The following SCN3A variants were observed in gnomAD, a reference collection of about 807,000 sequenced individuals.
SCN3A encodes sodium voltage-gated channel alpha subunit 3.
A neutral mutation model predicts 187.6 loss-of-function variants in SCN3A; 60 were observed. The ratio of observed to expected loss-of-function variants is 0.32; its 90% CI spans 0.26 to 0.40. The LOEUF is 0.40. SCN3A is among the 10% of genes least tolerant of loss of function. The probability of loss-of-function intolerance (pLI) is 1.00; values close to 1 mark genes in which losing one functional copy is unlikely to be tolerated. For missense variants in SCN3A, 1,601 were observed against 2,428.2 expected (o/e 0.66, Z 7.16); for synonymous variants, 788 against 829.2 (o/e 0.95, Z 0.85).
At chr2:165,202,312 C>T (rs778927023) in intron 1 of SCN3A, among the ~76,000 whole-genome samples, 1 of 151,914 alleles carries the variant, frequency 6.6e-6, no homozygotes, top group Non-Finnish European at 1.5e-5. Flanking sequence ...TAAAAGCTAA[C>T]ATTTGGGGCC....
intron 5 of SCN3A, among the ~76,000 whole-genome samples, chr2:165,167,898 T>C (rs1689873561): frequency 2.6e-5 from 4 of 152,138 alleles, no homozygotes; most frequent in Admixed American, 2.6e-4. Flanking sequence ...GAACAACTAA[T>C]GTGCTTAGAC....
intron 18 of SCN3A, among the ~76,000 whole-genome samples, chr2:165,118,786 G>T (rs911271230): frequency 1.3e-4 from 20 of 151,652 alleles, no homozygotes; most frequent in African/African-American, 4.8e-4. Context: ...TTTTTGAGAC[G>T]GAGTCTCGCT....
chr2:165,131,755 C>A, intron 15 of SCN3A, among the ~76,000 whole-genome samples: 1 of 124,336 alleles, frequency 8.0e-6, no homozygotes, highest in East Asian at 2.8e-4. Context: ...TCCCCCCTCC[C>A]CCGACCCCAC....
chr2:165,091,489 C>T, intron 27 of SCN3A, 144 bp from the exon 28 acceptor site: 1 of 1,069,576 alleles, frequency 9.3e-7, no homozygotes, highest in Non-Finnish European at 1.4e-6. Context: ...CTGACATTAG[C>T]AATTACAGAT....
At position 165,203,017 on chromosome 2, in the gene SCN3A, T is replaced by C. The variant is rs186189731; in HGVS notation, c.-248+806A>G. Among the ~76,000 whole-genome samples, 348 of 152,062 alleles carry C rather than the reference T, an allele frequency of 2.3e-3. 2 individuals are homozygous for C. The East Asian group carries it at 0.029, about 13-fold the overall frequency. ...ATACAACTACAGACAATATGGATCATAGATAAAGTAAATTATTGTTTTATG... is the reference window on the plus strand; with the variant it reads ...ATACAACTACAGACAATATGGATCACAGATAAAGTAAATTATTGTTTTATG... On this transcript the variant is annotated intron_variant, in intron 1 of 27. Transcript: ENST00000283254.
At chr2:165,095,753 C>G in intron 24 of SCN3A, 105 bp from the exon 25 acceptor site, 2 of 644,622 alleles carry the variant, frequency 3.1e-6, no homozygotes, top group Admixed American at 2.9e-5. Context: ...CTACTTTTGC[C>G]TTACCCTGAG....
At chr2:165,188,804 C>CAAAAAAAAA (rs763003775) in intron 1 of SCN3A, among the ~76,000 whole-genome samples, 2 of 72,544 alleles carry the variant, frequency 2.8e-5, no homozygotes, top group African/African-American at 8.7e-5. Flanking sequence ...CGCCCCACTT[C>CAAAAAAAAA]AAAAAAAAAA....
At chr2:165,183,516 G>T (rs908963169) in intron 2 of SCN3A, among the ~76,000 whole-genome samples, 1 of 152,178 alleles carries the variant, frequency 6.6e-6, no homozygotes, top group African/African-American at 2.4e-5. Flanking sequence ...ATGAGTACAA[G>T]ACTAATATTT....
chr2:165,140,693 T>TCCAC lies in SCN3A; in HGVS notation c.1973_1976dup (p.Pro660TrpfsTer62), dbSNP rs1487100995. ...CAGTAGGTGACGTTAGAGCTGAAGGTCCACCCACCAAGGAAACCACACCAT... is the reference window on the plus strand; with the variant it reads ...CAGTAGGTGACGTTAGAGCTGAAGGTCCACCCACCCACCAAGGAAACCACACCAT... On this transcript the variant is annotated frameshift_variant, in exon 13 of 28. Coordinates refer to ENST00000283254, the MANE Select transcript of SCN3A (RefSeq NM_006922.4). LOFTEE classifies it high-confidence loss of function. This position sits in a 1 kb window ranked among gnomAD's most constrained non-coding sequence, Gnocchi z 4.2. 1.2e-6 allele frequency: 2 copies of TCCAC among 1,614,034 alleles called. No individual in the cohort carries two copies. Among genetic ancestry groups the TCCAC allele is most frequent in the East Asian group, 4.5e-5 (2 of 44,860 alleles).
At chr2:165,148,993 A>AT (rs1688515354) in intron 11 of SCN3A, among the ~76,000 whole-genome samples, 1 of 151,894 alleles carries the variant, frequency 6.6e-6, no homozygotes, top group Non-Finnish European at 1.5e-5. Context: ...GAAACAGTGA[A>AT]TATATATATA....
chr2:165,164,448 A>G lies in SCN3A; in HGVS notation c.546T>C (p.Asp182=). 2 of 1,613,848 alleles carry G rather than the reference A, an allele frequency of 1.2e-6. No individual in the cohort carries two copies. Among genetic ancestry groups the G allele is most frequent in the Non-Finnish European group, 1.7e-6 (2 of 1,179,838 alleles). The change falls in exon 6 of 28, where the codon GAT becomes GAC. Residue 182 remains aspartate, a synonymous_variant. Transcript: ENST00000283254. The part of the protein sequence containing the change: ...KILARGFCLE[D]FTFLRDPWNW... ...TCCATGGATCACGAAGAAACGTAAAATCTTCTAAGCAAAACCCTCTTGCCA... is the reference window on the plus strand; with the variant it reads ...TCCATGGATCACGAAGAAACGTAAAGTCTTCTAAGCAAAACCCTCTTGCCA...
In SCN3A at chr2:165,163,799, T is replaced by C. The variant is rs374003928; in HGVS notation, c.603-90A>G. ...CTACTACCTTACACCAGTTTCTTCTTACCTGGAATTACAGAAATAGTTTTC... is the reference window on the plus strand; with the variant it reads ...CTACTACCTTACACCAGTTTCTTCTCACCTGGAATTACAGAAATAGTTTTC... On this transcript the variant is annotated intron_variant, in intron 6 of 27. Coordinates refer to ENST00000283254, the MANE Select transcript of SCN3A (RefSeq NM_006922.4). The C allele has an allele frequency of 5.0e-4, 806 of 1,613,656 alleles. No individual in the cohort carries two copies. The highest frequency in any genetic ancestry group is 6.5e-4 in the Non-Finnish European group (764 of 1,179,792).
At chr2:165,179,321 A>C (rs1690682906) in intron 2 of SCN3A, among the ~76,000 whole-genome samples, 1 of 152,172 alleles carries the variant, frequency 6.6e-6, no homozygotes, top group African/African-American at 2.4e-5. Flanking sequence ...TCAACACAGA[A>C]ATGGCTGCCC....
rs1249291489 is a variant in SCN3A, at chr2:165,092,550, G to A, written c.4537-26C>T. On this transcript the variant is annotated intron_variant, in intron 26 of 27. Transcript: ENST00000283254. This position sits in a 1 kb window ranked among gnomAD's most constrained non-coding sequence, Gnocchi z 4.2. The stretch of plus-strand genomic sequence containing the variant: ...CTAGAAAGTGAGAGAAGAGAAATAA[G>A]GTTACTATATATATTTCATAAAGAA... 3 of 1,593,448 alleles carry A rather than the reference G, an allele frequency of 1.9e-6. No homozygotes were observed. Among genetic ancestry groups the A allele is most frequent in the Non-Finnish European group, 2.6e-6 (3 of 1,161,688 alleles).
At chr2:165,189,041 C>A (rs540623019) in intron 1 of SCN3A, among the ~76,000 whole-genome samples, 1 of 152,106 alleles carries the variant, frequency 6.6e-6, no homozygotes, top group Admixed American at 6.5e-5. Context: ...GGCAATCAAG[C>A]CTGGAATTTT....
At chr2:165,188,555 C>G (rs151306724) in intron 1 of SCN3A, among the ~76,000 whole-genome samples, 1 of 151,920 alleles carries the variant, frequency 6.6e-6, no homozygotes, top group Non-Finnish European at 1.5e-5. Flanking sequence ...TTTGGGAGGC[C>G]GAGGCGGGTG....
rs370463938 is a variant in SCN3A at position 165,090,728 on chromosome 2, C to T, written c.5425G>A (p.Glu1809Lys). The part of the protein sequence containing the change: ...KFDPDATQFI[E>K]FSKLSDFAAA... ...GCAAAATCAGAGAGTTTAGAGAACT[C>T]TATAAACTGGGTCGCATCGGGATCA... The change falls in exon 28 of 28, where the codon GAG becomes AAG. Residue 1809 changes from glutamate to lysine, a missense_variant. This residue lies in a region of SCN3A where 110 missense variants were observed against 175.9 expected (regional missense o/e 0.63). Coordinates refer to ENST00000283254, the MANE Select transcript of SCN3A (RefSeq NM_006922.4). This position sits in a 1 kb window ranked among gnomAD's most constrained non-coding sequence, Gnocchi z 4.0. 357 of 1,613,954 alleles carry T rather than the reference C, an allele frequency of 2.2e-4. No individual in the cohort carries two copies. The highest frequency in any genetic ancestry group is 3.0e-4 in the Non-Finnish European group (349 of 1,180,020).
At chr2:165,141,517 A>G (rs903043430) in intron 12 of SCN3A, among the ~76,000 whole-genome samples, 1 of 152,212 alleles carries the variant, frequency 6.6e-6, no homozygotes, top group Admixed American at 6.5e-5. Flanking sequence ...TTAAAAAACT[A>G]CTATTTTTCC....
intron 11 of SCN3A, 137 bp downstream of exon 11, chr2:165,154,315 G>A: frequency 1.0e-6 from 1 of 964,254 alleles, no homozygotes. Flanking sequence ...GTTCATATTT[G>A]AATACTTTTT....
Sources: allele counts gnomAD v4.1 joint callset (sites outside exome capture counted in the v4.1 genomes callset), GRCh38; gene constraint gnomAD v4.1.1; regional missense constraint gnomAD v4.1.1; non-coding constraint Gnocchi (gnomAD v3.1); transcripts MANE v1.5; gene names NCBI Gene and HGNC (gene_info 2026-07-23, HGNC 2026-07-21).